Variants in PIGM observed in about 807,000 individuals in gnomAD.
PIGM encodes the protein phosphatidylinositol glycan anchor biosynthesis class M, also known as GPI alpha-1,4-mannosyltransferase I, catalytic subunit.
In PIGM, 7 loss-of-function variants were observed where a neutral mutation model predicts 14.6. The observed-to-expected ratio is 0.48, with a 90% CI of 0.27 to 0.90. PIGM has a LOEUF of 0.90. Among genes scored for constraint, PIGM ranks in the 40% least tolerant of loss-of-function variants. The pLI is 0.12. For missense variants in PIGM, 506 were observed against 516.2 expected (o/e 0.98, Z 0.19); for synonymous variants, 216 against 215.9 (o/e 1.00, Z 0.00).
chr1:160,030,872 G>C lies in PIGM; in HGVS notation c.868C>G (p.Leu290Val). 2 of 1,614,206 alleles carry C rather than the reference G, an allele frequency of 1.2e-6. No homozygotes were observed. The highest frequency in any genetic ancestry group is 1.7e-6 in the Non-Finnish European group (2 of 1,180,038). Residue 290 changes from leucine (L) to valine (V), a missense_variant, in exon 1 of 1, where the codon CTG becomes GTG. Coordinates refer to ENST00000368090, the MANE Select transcript of PIGM (RefSeq NM_145167.3). Reference protein sequence around the residue: ...LTAESKWSFSLGIAAFLPQLI... With the variant: ...LTAESKWSFSVGIAAFLPQLI... ...TGTGGCAGGAATGCAGCAATTCCCA[G>C]GGAAAAACTCCACTTGCTCTCTGCA...
chr1:160,025,280 A>G lies in PIGM; in HGVS notation c.*5188T>C, dbSNP rs1314741358. On this transcript the variant is annotated 3_prime_UTR_variant, in exon 1 of 1. Coordinates refer to ENST00000368090, the MANE Select transcript of PIGM (RefSeq NM_145167.3). ...GTATCTAGATATGATAATCTTGCTC[A>G]GGATCATGCACTGGGATTTGAACCT... 6.6e-6 allele frequency: 1 copy of G among 152,262 alleles called. No homozygotes were observed. Among genetic ancestry groups the G allele is most frequent in the Admixed American group, 6.5e-5 (1 of 15,286 alleles). 9.4% of individuals were successfully genotyped at this position (152,262 alleles called of 1,614,324 possible). A position where few individuals can be genotyped will look rare whatever the true frequency, so the allele number is the denominator to read the frequency against.
Position 160,031,803 on chromosome 1 carries a change from C to T in PIGM, c.-64G>A, listed in dbSNP as rs1648347461. 3.7e-6 allele frequency: 6 copies of T among 1,600,176 alleles called. No individual in the cohort carries two copies. In the Admixed American group the frequency reaches 8.4e-5, roughly 22 times the overall value. ...ACTGCCTTCGTACTTCTAACCTTCC[C>T]TTCGGTTCTTTGCAGCAGGTGGCCG... On this transcript the variant is annotated 5_prime_UTR_variant, in exon 1 of 1. Coordinates refer to ENST00000368090, the MANE Select transcript of PIGM (RefSeq NM_145167.3).
rs1648158910 is a variant in PIGM, at chr1:160,025,277, C to T, written c.*5191G>A. Reference sequence around the variant, plus strand: ...AATGTATCTAGATATGATAATCTTGCTCAGGATCATGCACTGGGATTTGAA... The same window carrying T: ...AATGTATCTAGATATGATAATCTTGTTCAGGATCATGCACTGGGATTTGAA... On this transcript the variant is annotated 3_prime_UTR_variant, in exon 1 of 1. Coordinates refer to ENST00000368090, the MANE Select transcript of PIGM (RefSeq NM_145167.3). 1 of 152,168 alleles carries T rather than the reference C, an allele frequency of 6.6e-6. No homozygotes were observed. Among genetic ancestry groups the T allele is most frequent in the South Asian group, 2.1e-4 (1 of 4,824 alleles). 9.4% of individuals were successfully genotyped at this position (152,168 alleles called of 1,614,324 possible). A position where few individuals can be genotyped will look rare whatever the true frequency, so the allele number is the denominator to read the frequency against.
Position 160,028,172 on chromosome 1 carries a change from A to G in PIGM, c.*2296T>C, listed in dbSNP as rs924551829. 1.3e-5 allele frequency: 2 copies of G among 152,228 alleles called. No homozygotes were observed. Among genetic ancestry groups the G allele is most frequent in the African/African-American group, 4.8e-5 (2 of 41,454 alleles). 9.4% of individuals were successfully genotyped at this position (152,228 alleles called of 1,614,324 possible). A position where few individuals can be genotyped will look rare whatever the true frequency, so the allele number is the denominator to read the frequency against. On this transcript the variant is annotated 3_prime_UTR_variant, in exon 1 of 1. Transcript: ENST00000368090. ...CCACAATAAAGAATGTTAAAAAACA[A>G]TAATTAGTAAGTAAATATAATTATA...
Position 160,030,294 on chromosome 1 carries a change from T to C in PIGM, c.*174A>G. 1 of 660,058 alleles carries C rather than the reference T, an allele frequency of 1.5e-6. No individual in the cohort carries two copies. Among genetic ancestry groups the C allele is most frequent in the Non-Finnish European group, 2.6e-6 (1 of 382,392 alleles). The allele number at this position is 660,058 out of a possible 1,614,324, so 40.9% of individuals were successfully genotyped here. A position where few individuals can be genotyped will look rare whatever the true frequency, so the allele number is the denominator to read the frequency against. On this transcript the variant is annotated 3_prime_UTR_variant, in exon 1 of 1. Coordinates refer to ENST00000368090, the MANE Select transcript of PIGM (RefSeq NM_145167.3). ...CCTAGGATTTCCTAGAAGGTGGACCTCAATTATTGTGTCCCTTTTATATAT... is the reference window on the plus strand; with the variant it reads ...CCTAGGATTTCCTAGAAGGTGGACCCCAATTATTGTGTCCCTTTTATATAT...
chr1:160,031,735 C>G lies in PIGM; in HGVS notation c.5G>C (p.Gly2Ala). The change falls in exon 1 of 1, where the codon GGC becomes GCC. Residue 2 changes from glycine (G) to alanine (A), a missense_variant. Transcript: ENST00000368090. M[G>A]STKHWGEWLL... Reference sequence around the variant, plus strand: ...CCATTCGCCCCAGTGCTTGGTGGAGCCCATGATCTGACCGTGCGACAGCTG... The same window carrying G: ...CCATTCGCCCCAGTGCTTGGTGGAGGCCATGATCTGACCGTGCGACAGCTG... 6.2e-7 allele frequency: 1 copy of G among 1,614,126 alleles called. No individual in the cohort carries two copies. Among genetic ancestry groups the G allele is most frequent in the Non-Finnish European group, 8.5e-7 (1 of 1,180,022 alleles).
At position 160,031,098 on chromosome 1, in the gene PIGM, A is replaced by G; in HGVS notation, c.642T>C (p.Cys214=). 1 of 1,614,108 alleles carries G rather than the reference A, an allele frequency of 6.2e-7. No homozygotes were observed. Among genetic ancestry groups the G allele is most frequent in the Non-Finnish European group, 8.5e-7 (1 of 1,179,984 alleles). ...ACAGCCTTTTCAGGAGCTCGTACAA[A>G]CAAGCCTGGAAAGTGTACCGGAATT... ...LRQFRYTFQA[C]LYELLKRLCN... Residue 214 remains cysteine, a synonymous_variant, in exon 1 of 1, where the codon TGT becomes TGC. Coordinates refer to ENST00000368090, the MANE Select transcript of PIGM (RefSeq NM_145167.3).
At position 160,025,003 on chromosome 1, in the gene PIGM, A is replaced by G. The variant is rs915759660; in HGVS notation, c.*5465T>C. The G allele has an allele frequency of 6.6e-6, 1 of 152,274 alleles. No homozygotes were observed. Among genetic ancestry groups the G allele is most frequent in the Non-Finnish European group, 1.5e-5 (1 of 68,050 alleles). 9.4% of individuals were successfully genotyped at this position (152,274 alleles called of 1,614,324 possible). The stretch of plus-strand genomic sequence containing the variant: ...CTTTTCAAAGGAACAGGTCAAGATG[A>G]GAATAAAGTTTATGATCAAAGGTAG... On this transcript the variant is annotated 3_prime_UTR_variant, in exon 1 of 1. Transcript: ENST00000368090.
chr1:160,026,064 T>C lies in PIGM; in HGVS notation c.*4404A>G, dbSNP rs896744029. On this transcript the variant is annotated 3_prime_UTR_variant, in exon 1 of 1. Transcript: ENST00000368090. The stretch of plus-strand genomic sequence containing the variant: ...TGTATAATCTTTTATCTGGAAAACC[T>C]ACCAGATAAAACAAAGAGATTACCA... The C allele has an allele frequency of 2.6e-5, 4 of 152,160 alleles. No individual in the cohort carries two copies. Among genetic ancestry groups the C allele is most frequent in the African/African-American group, 9.7e-5 (4 of 41,434 alleles). 9.4% of individuals were successfully genotyped at this position (152,160 alleles called of 1,614,324 possible).
chr1:160,026,761 G>A lies in PIGM; in HGVS notation c.*3707C>T, dbSNP rs962342312. On this transcript the variant is annotated 3_prime_UTR_variant, in exon 1 of 1. Transcript: ENST00000368090. ...AAGGATCACTTGAGCCTGGGAGTTC[G>A]GCTGCAGTGAGCCATGTTTATACTA... 5.9e-5 allele frequency: 9 copies of A among 152,142 alleles called. No homozygotes were observed. The highest frequency in any genetic ancestry group is 1.9e-4 in the African/African-American group (8 of 41,452). The allele number at this position is 152,142 out of a possible 1,614,324, so 9.4% of individuals were successfully genotyped here. A position where few individuals can be genotyped will look rare whatever the true frequency, so the allele number is the denominator to read the frequency against.
In PIGM at chr1:160,030,938, G is replaced by A. The variant is rs201700634; in HGVS notation, c.802C>T (p.Arg268Cys). 1 of 1,614,138 alleles carries A rather than the reference G, an allele frequency of 6.2e-7. No homozygotes were observed. The highest frequency in any genetic ancestry group is 8.5e-7 in the Non-Finnish European group (1 of 1,180,004). ...TAGAAGTACGGAGAAAAGTTGTGAC[G>A]GATATCCCGCCTAGTCAGGTGATAA... is the stretch of plus-strand genomic sequence containing the variant. Reference protein sequence around the residue: ...YFYHLTRRDIRHNFSPYFYML... With the variant: ...YFYHLTRRDICHNFSPYFYML... The change falls in exon 1 of 1, where the codon CGT (arginine) becomes TGT (cysteine). Residue 268 changes from arginine (R) to cysteine (C), a missense_variant. By Grantham distance (180) the Arg-to-Cys change is radical. Transcript: ENST00000368090.
rs138151842 is a variant in PIGM at position 160,030,921 on chromosome 1, C to A, written c.819G>T (p.Pro273=). The A allele has an allele frequency of 1.9e-6, 3 of 1,613,990 alleles. No homozygotes were observed. Among genetic ancestry groups the A allele is most frequent in the Non-Finnish European group, 2.5e-6 (3 of 1,180,024 alleles). Residue 273 remains proline (P), a synonymous_variant, in exon 1 of 1, where the codon CCG becomes CCT. Coordinates refer to ENST00000368090, the MANE Select transcript of PIGM (RefSeq NM_145167.3). The part of the protein sequence containing the change: ...TRRDIRHNFS[P]YFYMLYLTAE... ...CAGTCAAATACAGCATGTAGAAGTA[C>A]GGAGAAAAGTTGTGACGGATATCCC...
In PIGM at chr1:160,030,597, T is replaced by C; in HGVS notation, c.1143A>G (p.Gln381=). ...WLAPAYVLEF[Q]GKNTFLFIWL... Reference sequence around the variant, plus strand: ...AAATAAACAGAAAGGTGTTCTTTCCTTGAAACTCTAGAACATAGGCAGGAG... The same window carrying C: ...AAATAAACAGAAAGGTGTTCTTTCCCTGAAACTCTAGAACATAGGCAGGAG... The change falls in exon 1 of 1, where the codon CAA becomes CAG. Residue 381 remains glutamine, a synonymous_variant. Coordinates refer to ENST00000368090, the MANE Select transcript of PIGM (RefSeq NM_145167.3). The C allele has an allele frequency of 1.2e-6, 2 of 1,614,198 alleles. No individual in the cohort carries two copies. The highest frequency in any genetic ancestry group is 1.7e-6 in the Non-Finnish European group (2 of 1,180,026).
At position 160,031,131 on chromosome 1, in the gene PIGM, G is replaced by C; in HGVS notation, c.609C>G (p.Ser203Arg). The C allele has an allele frequency of 1.2e-6, 2 of 1,613,970 alleles. No individual in the cohort carries two copies. Among genetic ancestry groups the C allele is most frequent in the South Asian group, 2.2e-5 (2 of 91,084 alleles). ...GGAAAGTGTACCGGAATTGACGGAGGCTTTTGTCATTGTCGCGATCTGGAA... is the reference window on the plus strand; with the variant it reads ...GGAAAGTGTACCGGAATTGACGGAGCCTTTTGTCATTGTCGCGATCTGGAA... ...HLLPDRDNDK[S>R]LRQFRYTFQA... The change falls in exon 1 of 1, where the codon AGC (serine) becomes AGG (arginine). Residue 203 changes from serine (S) to arginine (R), a missense_variant. Transcript: ENST00000368090.
Position 160,025,175 on chromosome 1 carries a change from A to C in PIGM, c.*5293T>G, listed in dbSNP as rs1472913010. 1 of 152,236 alleles carries C rather than the reference A, an allele frequency of 6.6e-6. No individual in the cohort carries two copies. Among genetic ancestry groups the C allele is most frequent in the Admixed American group, 6.5e-5 (1 of 15,286 alleles). 9.4% of individuals were successfully genotyped at this position (152,236 alleles called of 1,614,324 possible). ...GTTCTATGCCAGCATGCACACTTTG[A>C]GCATATCAACTCACTTAATCCTTAC... On this transcript the variant is annotated 3_prime_UTR_variant, in exon 1 of 1. Coordinates refer to ENST00000368090, the MANE Select transcript of PIGM (RefSeq NM_145167.3).
chr1:160,026,995 T>G lies in PIGM; in HGVS notation c.*3473A>C, dbSNP rs887594091. The G allele has an allele frequency of 2.0e-5, 3 of 152,092 alleles. No homozygotes were observed. The highest frequency in any genetic ancestry group is 7.3e-5 in the African/African-American group (3 of 41,366). The allele number at this position is 152,092 out of a possible 1,614,324, so 9.4% of individuals were successfully genotyped here. A position where few individuals can be genotyped will look rare whatever the true frequency, so the allele number is the denominator to read the frequency against. The stretch of plus-strand genomic sequence containing the variant: ...GCTTCCCAAGTAGCACTTTTTTTTT[T>G]GTACAGATGGGGGTCTCACTATGTT... On this transcript the variant is annotated 3_prime_UTR_variant, in exon 1 of 1. Transcript: ENST00000368090.
Position 160,031,783 on chromosome 1 carries a change from C to T in PIGM, c.-44G>A. 6.2e-7 allele frequency: 1 copy of T among 1,610,660 alleles called. No homozygotes were observed. Among genetic ancestry groups the T allele is most frequent in the Non-Finnish European group, 8.5e-7 (1 of 1,177,630 alleles). On this transcript the variant is annotated 5_prime_UTR_variant, in exon 1 of 1. Transcript: ENST00000368090. ...CTGCTTAGCCCCAGCTCCAAACTGC[C>T]TTCGTACTTCTAACCTTCCCTTCGG...
chr1:160,031,609 T>A lies in PIGM; in HGVS notation c.131A>T (p.His44Leu). ...GTAGTCGATGTCCGTATACCTCACG[T>A]GCAGGGTCCGGTCCTGGAAGACGCC... Reference protein sequence around the residue: ...FYGVFQDRTLHVRYTDIDYQV... With the variant: ...FYGVFQDRTLLVRYTDIDYQV... The change falls in exon 1 of 1, where the codon CAC becomes CTC. Residue 44 changes from histidine (H) to leucine (L), a missense_variant. Coordinates refer to ENST00000368090, the MANE Select transcript of PIGM (RefSeq NM_145167.3). 1 of 1,614,064 alleles carries A rather than the reference T, an allele frequency of 6.2e-7. No individual in the cohort carries two copies. Among genetic ancestry groups the A allele is most frequent in the Non-Finnish European group, 8.5e-7 (1 of 1,180,014 alleles).
rs1239666792 is a variant in PIGM at position 160,027,069 on chromosome 1, G to C, written c.*3399C>G. 1 of 151,774 alleles carries C rather than the reference G, an allele frequency of 6.6e-6. No individual in the cohort carries two copies. The highest frequency in any genetic ancestry group is 1.9e-4 in the East Asian group (1 of 5,148). The allele number at this position is 151,774 out of a possible 1,614,324, so 9.4% of individuals were successfully genotyped here. On this transcript the variant is annotated 3_prime_UTR_variant, in exon 1 of 1. Transcript: ENST00000368090. Reference sequence around the variant, plus strand: ...GTCCTCAAGTGATCCTCCTGCCTCAGCTTCCCAAAGCATTGGGATTATAGG... The same window carrying C: ...GTCCTCAAGTGATCCTCCTGCCTCACCTTCCCAAAGCATTGGGATTATAGG...
Sources: allele counts gnomAD v4.1 joint callset, GRCh38; gene constraint gnomAD v4.1.1; transcripts MANE v1.5; gene names NCBI Gene and HGNC (gene_info 2026-07-23, HGNC 2026-07-21).